Variants in PIK3C2G observed in about 807,000 individuals in gnomAD.
PIK3C2G encodes the protein phosphatidylinositol-4-phosphate 3-kinase catalytic subunit type 2 gamma.
PIK3C2G carries 168 observed loss-of-function variants against 181.1 expected under a neutral mutation model. That is an observed-to-expected ratio of 0.93 (90% CI 0.82 to 1.05). The LOEUF (loss-of-function observed/expected upper bound fraction) is 1.05. Ranked by LOEUF, PIK3C2G falls within the 50% of genes least tolerant of loss-of-function variation. The pLI, the probability that PIK3C2G is intolerant of heterozygous loss-of-function variation, is 0.00. For missense variants in PIK3C2G, 1,869 were observed against 1,732.8 expected (o/e 1.08, Z -1.40); for synonymous variants, 573 against 592.2 (o/e 0.97, Z 0.47).
chr12:18,712,467 G>T, the PIK3C2G span, among the ~76,000 whole-genome samples: 2 of 152,008 alleles, frequency 1.3e-5, no homozygotes, highest in Non-Finnish European at 2.9e-5. Context: ...ATGCATTGTT[G>T]ATACATTTTA....
At chr12:18,402,641 T>C (rs1230575675) in intron 16 of PIK3C2G, among the ~76,000 whole-genome samples, 1 of 152,142 alleles carries the variant, frequency 6.6e-6, no homozygotes, top group African/African-American at 2.4e-5. Flanking sequence ...TTAAAGTTCA[T>C]GGAATATTTT....
chr12:18,646,911 GA>G (rs58673687), intron 32 of PIK3C2G, among the ~76,000 whole-genome samples: 1 of 148,444 alleles, frequency 6.7e-6, no homozygotes, highest in Non-Finnish European at 1.5e-5. Flanking sequence ...GATTCCTTTT[GA>G]AAAAAAAAGT....
the PIK3C2G span, among the ~76,000 whole-genome samples, chr12:18,660,520 T>C: frequency 6.6e-6 from 1 of 152,022 alleles, no homozygotes; most frequent in Non-Finnish European, 1.5e-5. Context: ...GGACATTAAA[T>C]TAAAAGCAAC....
At chr12:18,298,557 C>T (rs1348000578) in intron 5 of PIK3C2G, among the ~76,000 whole-genome samples, 1 of 151,584 alleles carries the variant, frequency 6.6e-6, no homozygotes. Context: ...TTAATATAGT[C>T]CTATTTGTGT....
chr12:18,308,257 A>G (rs1446797618), intron 5 of PIK3C2G, among the ~76,000 whole-genome samples: 2 of 151,890 alleles, frequency 1.3e-5, no homozygotes, highest in African/African-American at 4.8e-5. Flanking sequence ...TTTAATCTTA[A>G]CTGATAATTC....
intron 25 of PIK3C2G, 59 bp downstream of exon 25, chr12:18,538,371 G>A: frequency 6.8e-7 from 1 of 1,463,636 alleles, no homozygotes; most frequent in Non-Finnish European, 9.2e-7. Flanking sequence ...CTCTGCTTCA[G>A]TAGTCTATTT....
intron 18 of PIK3C2G, among the ~76,000 whole-genome samples, chr12:18,484,457 G>A (rs979987933): frequency 6.6e-6 from 1 of 152,048 alleles, no homozygotes; most frequent in Non-Finnish European, 1.5e-5. Context: ...ATCATTTTCC[G>A]AACTTGTTTC....
chr12:18,303,829 C>T (rs1950309814), intron 5 of PIK3C2G, among the ~76,000 whole-genome samples: 1 of 151,824 alleles, frequency 6.6e-6, no homozygotes, highest in Non-Finnish European at 1.5e-5. Flanking sequence ...CTGTTTCGGC[C>T]AATTGCTTAC....
intron 3 of PIK3C2G, among the ~76,000 whole-genome samples, chr12:18,287,290 C>T (rs1016045477): frequency 6.6e-6 from 1 of 152,004 alleles, no homozygotes; most frequent in Non-Finnish European, 1.5e-5. Context: ...ACTTATCCTC[C>T]CTACCTGGGA....
intron 5 of PIK3C2G, among the ~76,000 whole-genome samples, chr12:18,304,155 T>A (rs1228658737): frequency 6.6e-6 from 1 of 152,178 alleles, no homozygotes; most frequent in Non-Finnish European, 1.5e-5. Flanking sequence ...AAAAATAGTT[T>A]TACAAAATTA....
chr12:18,273,887 A>C (rs1948856803), intron 1 of PIK3C2G, among the ~76,000 whole-genome samples: 2 of 152,162 alleles, frequency 1.3e-5, no homozygotes, highest in South Asian at 4.2e-4. Context: ...ATGGGAGAAA[A>C]TTTTTGTAAC....
the PIK3C2G span, chr12:18,713,047 T>C: frequency 6.3e-7 from 1 of 1,583,208 alleles, no homozygotes; most frequent in Non-Finnish European, 8.7e-7. Context: ...TATACCAAAG[T>C]ATTAAAATAT....
chr12:18,382,631 T>C (rs1942917377), intron 14 of PIK3C2G, among the ~76,000 whole-genome samples: 1 of 152,172 alleles, frequency 6.6e-6, no homozygotes, highest in Non-Finnish European at 1.5e-5. Flanking sequence ...GAATGCTTTG[T>C]GGTGGGGGCT....
At chr12:18,263,273 A>G (rs887520610) in intron 1 of PIK3C2G, among the ~76,000 whole-genome samples, 1 of 152,050 alleles carries the variant, frequency 6.6e-6, no homozygotes, top group Non-Finnish European at 1.5e-5. Context: ...TCTTATTTTT[A>G]CTGATTTTGA....
chr12:18,703,975 T>A, the PIK3C2G span, among the ~76,000 whole-genome samples: 1 of 152,230 alleles, frequency 6.6e-6, no homozygotes, highest in Non-Finnish European at 1.5e-5. Context: ...TAGACAATAC[T>A]ATTCATCAAA....
intron 29 of PIK3C2G, among the ~76,000 whole-genome samples, chr12:18,567,475 A>G (rs183133274): frequency 6.6e-6 from 1 of 152,152 alleles, no homozygotes; most frequent in African/African-American, 2.4e-5. Flanking sequence ...TTTGTATAAA[A>G]TACATGAACT....
chr12:18,636,652 A>G (rs1949617975), intron 31 of PIK3C2G, among the ~76,000 whole-genome samples: 1 of 152,174 alleles, frequency 6.6e-6, no homozygotes, highest in African/African-American at 2.4e-5. Flanking sequence ...AGCAGCTGCA[A>G]TTGGAGTTAT....
intron 7 of PIK3C2G, among the ~76,000 whole-genome samples, chr12:18,323,181 C>A (rs1324797771): frequency 6.6e-6 from 1 of 152,082 alleles, no homozygotes; most frequent in African/African-American, 2.4e-5. Context: ...GGCCAGTGTG[C>A]AGTTGCAGGG....
chr12:18,352,713 T>G (rs1940333012), intron 11 of PIK3C2G, among the ~76,000 whole-genome samples: 1 of 152,186 alleles, frequency 6.6e-6, no homozygotes, highest in South Asian at 2.1e-4. Context: ...AAGGTGGCTC[T>G]CAGCAGGATG....
Sources: gnomAD v4.1 joint callset for allele counts (sites outside exome capture counted in the v4.1 genomes callset) on GRCh38, gnomAD v4.1.1 for gene constraint, MANE v1.5 for transcripts, NCBI Gene and HGNC (gene_info 2026-07-23, HGNC 2026-07-21) for gene names.